The following SV2B variants were observed in gnomAD, a reference collection of about 807,000 sequenced individuals.
SV2B encodes synaptic vesicle glycoprotein 2B.
A neutral mutation model predicts 73.9 loss-of-function variants in SV2B; 41 were observed. The observed-to-expected ratio is 0.56, with a 90% CI of 0.43 to 0.72. SV2B has a LOEUF of 0.72. SV2B is among the 30% of genes least tolerant of loss of function. The pLI is 0.00. For missense variants in SV2B, 764 were observed against 857.8 expected, an observed-to-expected ratio of 0.89 and a Z score of 1.37; for synonymous variants, 314 against 314.2, an observed-to-expected ratio of 1.00 and a Z score of 0.01.
At chr15:91,180,859 T>C (rs369846261) in intron 1 of SV2B, among the ~76,000 whole-genome samples, 1 of 152,242 alleles carries the variant, frequency 6.6e-6, no homozygotes, top group East Asian at 1.9e-4. Context: ...TAGCTCGGAG[T>C]AGTTTGATCG....
rs375038670 is a variant in SV2B at position 91,250,800 on chromosome 15, TGGAA to T, written c.452-1017_452-1014del. Among the ~76,000 whole-genome samples, 26 of 152,196 alleles carry T rather than the reference TGGAA, an allele frequency of 1.7e-4. No homozygotes were observed. In the East Asian group the frequency reaches 5.0e-3, roughly 29 times the overall value. ...AAACTATAAGACATTGATGAAGAAA[TGGAA>T]GAAGACACAAATAGATGGAAAGATA... On this transcript the variant is annotated intron_variant, in intron 2 of 12. Transcript: ENST00000394232.
chr15:91,168,837 T>C (rs1435546551), intron 1 of SV2B, among the ~76,000 whole-genome samples: 1 of 152,214 alleles, frequency 6.6e-6, no homozygotes, highest in East Asian at 1.9e-4. Flanking sequence ...TAGAGTGTAC[T>C]CATTCTATCT....
rs1259105299 is a variant in SV2B, at chr15:91,135,380, C to T, written c.-392+35017C>T. ...CTCTTCCCGCTTCACCTCAGATTCT[C>T]CCGTGTCGGGGGTGTCATACTTCTC... On this transcript the variant is annotated intron_variant, in intron 1 of 12. Transcript: ENST00000394232. Among the ~76,000 whole-genome samples, 3 of 152,212 alleles carry T rather than the reference C, an allele frequency of 2.0e-5. No homozygotes were observed. In the East Asian group the frequency reaches 5.8e-4, roughly 29 times the overall value.
In SV2B at chr15:91,292,598, A is replaced by G. The variant is rs762118993; in HGVS notation, c.*46A>G. ...AGGTCGAGAGAATCTTGTCCAGGAC[A>G]CTGAAATGCATCCACACTTCCTGCC... On this transcript the variant is annotated 3_prime_UTR_variant, in exon 13 of 13. Transcript: ENST00000394232. 5 of 1,575,596 alleles carry G rather than the reference A, an allele frequency of 3.2e-6. No individual in the cohort carries two copies. Among genetic ancestry groups the G allele is most frequent in the Non-Finnish European group, 4.3e-6 (5 of 1,161,850 alleles).
At chr15:91,221,691 G>GTGCT in intron 1 of SV2B, among the ~76,000 whole-genome samples, 3 of 91,266 alleles carry the variant, frequency 3.3e-5, no homozygotes, top group Admixed American at 1.1e-4. Context: ...CCAAGCATGT[G>GTGCT]CGCACACACA....
In SV2B at chr15:91,129,405, C is replaced by G. The variant is rs1233226633; in HGVS notation, c.-392+29042C>G. On this transcript the variant is annotated intron_variant, in intron 1 of 12. Coordinates refer to ENST00000394232, the MANE Select transcript of SV2B (RefSeq NM_001323032.3). This position sits in a 1 kb window ranked among gnomAD's most constrained non-coding sequence, Gnocchi z 5.1. ...TGATGAAGGGGGAGAAATCAATTGT[C>G]CGGAGATGGAACTGGGGGAGGAAGG... Among the ~76,000 whole-genome samples, 1 of 152,110 alleles carries G rather than the reference C, an allele frequency of 6.6e-6. No homozygotes were observed. The highest frequency in any genetic ancestry group is 2.4e-5 in the African/African-American group (1 of 41,422).
At chr15:91,198,754 G>T (rs1269742380) in intron 1 of SV2B, among the ~76,000 whole-genome samples, 1 of 152,190 alleles carries the variant, frequency 6.6e-6, no homozygotes, top group Non-Finnish European at 1.5e-5. Context: ...AGGGAGAATG[G>T]CTGGAGACCT....
intron 1 of SV2B, among the ~76,000 whole-genome samples, chr15:91,176,282 GTC>G (rs982910100): frequency 3.9e-5 from 6 of 152,010 alleles, no homozygotes; most frequent in African/African-American, 1.5e-4. Flanking sequence ...TCTTAATACA[GTC>G]TATCATTGTT....
In SV2B at chr15:91,231,195, C is replaced by T. The variant is rs141210846; in HGVS notation, c.451+4481C>T. On this transcript the variant is annotated intron_variant, in intron 2 of 12. Transcript: ENST00000394232. This position sits in a 1 kb window ranked among gnomAD's most constrained non-coding sequence, Gnocchi z 4.5. ...GGCAAGGTAAGCCCTTTGGTTCTTA[C>T]AAATGACATCACTGACAACGGATTG... 7.9e-3 allele frequency among the ~76,000 whole-genome samples: 1,209 copies of T among 152,214 alleles called. 12 individuals carry two copies. The highest frequency in any genetic ancestry group is 0.028 in the African/African-American group (1,154 of 41,516).
intron 9 of SV2B, among the ~76,000 whole-genome samples, chr15:91,277,590 A>C (rs1378269523): frequency 6.6e-6 from 1 of 152,200 alleles, no homozygotes; most frequent in Non-Finnish European, 1.5e-5. Flanking sequence ...TCTTTTACTT[A>C]GCATAATGCA....
At chr15:91,158,247 G>A (rs2043558133) in intron 1 of SV2B, among the ~76,000 whole-genome samples, 1 of 152,130 alleles carries the variant, frequency 6.6e-6, no homozygotes, top group Admixed American at 6.5e-5. Context: ...TTCTCTCTCT[G>A]GCAAGACATG....
chr15:91,195,409 C>T (rs1004636093), intron 1 of SV2B, among the ~76,000 whole-genome samples: 6 of 152,218 alleles, frequency 3.9e-5, no homozygotes, highest in Non-Finnish European at 8.8e-5. Context: ...ATCACCCCAC[C>T]TCAGCCTCCC....
intron 1 of SV2B, among the ~76,000 whole-genome samples, chr15:91,135,736 A>G (rs1350880250): frequency 6.6e-6 from 1 of 152,190 alleles, no homozygotes; most frequent in Non-Finnish European, 1.5e-5. Context: ...TGCTTTGCCT[A>G]CTTACTTATT....
chr15:91,133,170 G>A (rs2042709110), intron 1 of SV2B, among the ~76,000 whole-genome samples: 1 of 152,172 alleles, frequency 6.6e-6, no homozygotes, highest in Admixed American at 6.5e-5. Flanking sequence ...CGGTGCATTT[G>A]TAGGAATTAA....
At chr15:91,277,482 G>A (rs2048531500) in intron 9 of SV2B, among the ~76,000 whole-genome samples, 1 of 152,104 alleles carries the variant, frequency 6.6e-6, no homozygotes, top group Non-Finnish European at 1.5e-5. Flanking sequence ...ATGCCATTTT[G>A]TGGTCAGCCC....
chr15:91,174,624 G>A (rs1293815259), intron 1 of SV2B, among the ~76,000 whole-genome samples: 1 of 152,198 alleles, frequency 6.6e-6, no homozygotes, highest in East Asian at 1.9e-4. Flanking sequence ...GGCTAGCTCA[G>A]GCAGTTTACA....
Position 91,245,851 on chromosome 15 carries a change from ATT to A in SV2B, c.452-5959_452-5958del. Among the ~76,000 whole-genome samples the A allele has an allele frequency of 6.6e-6, 1 of 151,070 alleles. No individual in the cohort carries two copies. The highest frequency in any genetic ancestry group is 2.4e-5 in the African/African-American group (1 of 41,438). ...ACTGTGGTCTACAAACCTATGACCAATTTTTTTTTTAACATTTTTAAAGGGTT... is the reference window on the plus strand; with the variant it reads ...ACTGTGGTCTACAAACCTATGACCAATTTTTTTTAACATTTTTAAAGGGTT... On this transcript the variant is annotated intron_variant, in intron 2 of 12. Transcript: ENST00000394232. This position sits in a 1 kb window ranked among gnomAD's most constrained non-coding sequence, Gnocchi z 4.2.
At chr15:91,271,085 TGTGGATGGTGAATCCTGTGGATGATGG>T (rs1345222356) in intron 9 of SV2B, among the ~76,000 whole-genome samples, 8 of 71,960 alleles carry the variant, frequency 1.1e-4, no homozygotes, top group Admixed American at 2.2e-4. Context: ...TGGATGATGT[TGTGGATGGTGAATCCTGTGGATGATGG>T]GTGGATGGTG....
rs965955176 is a variant in SV2B, at chr15:91,229,448, C to T, written c.451+2734C>T. Among the ~76,000 whole-genome samples the T allele has an allele frequency of 5.9e-5, 9 of 152,124 alleles. No homozygotes were observed. Among genetic ancestry groups the T allele is most frequent in the South Asian group, 2.1e-4 (1 of 4,824 alleles). On this transcript the variant is annotated intron_variant, in intron 2 of 12. Transcript: ENST00000394232. The surrounding 1 kb of genome is among the most constrained non-coding windows in gnomAD (Gnocchi z 4.3). ...GTTACTTTATATTCTGCCATTCTCCCATCGGGCATTTGCAGTGAACTATAG... is the reference window on the plus strand; with the variant it reads ...GTTACTTTATATTCTGCCATTCTCCTATCGGGCATTTGCAGTGAACTATAG...
Sources: allele counts gnomAD v4.1 joint callset (sites outside exome capture counted in the v4.1 genomes callset), GRCh38; gene constraint gnomAD v4.1.1; non-coding constraint Gnocchi (gnomAD v3.1); transcripts MANE v1.5; gene names NCBI Gene and HGNC (gene_info 2026-07-23, HGNC 2026-07-21).